DNMBP: variants seen among roughly 807,000 people sequenced by gnomAD.
DNMBP encodes the protein dynamin binding protein.
Under a neutral mutation model 150.0 loss-of-function variants are expected in DNMBP, and 87 were observed. The ratio of observed to expected loss-of-function variants is 0.58; its 90% CI spans 0.49 to 0.69. The LOEUF is 0.69. Ranked by LOEUF, DNMBP falls within the 30% of genes least tolerant of loss-of-function variation. DNMBP has a pLI of 0.00. For missense variants in DNMBP, 1,774 were observed against 1,949.0 expected (o/e 0.91, Z 1.69); for synonymous variants, 711 against 750.4 (o/e 0.95, Z 0.86).
chr10:100,006,425 C>T (rs1439075042), intron 1 of DNMBP, among the ~76,000 whole-genome samples: 2 of 152,138 alleles, frequency 1.3e-5, no homozygotes, highest in South Asian at 2.1e-4. Context: ...GATGAGGAAA[C>T]GAAGACTCAG....
chr10:99,883,903 T>C lies in DNMBP; in HGVS notation c.3997+108A>G, dbSNP rs562239987. On this transcript the variant is annotated intron_variant, in intron 15 of 16. Transcript: ENST00000324109. Reference sequence around the variant, plus strand: ...TTTTTCAGGTTATTTTTCCCCTTAATCAAAGATACTTTTTGCTTTTTTTTC... The same window carrying C: ...TTTTTCAGGTTATTTTTCCCCTTAACCAAAGATACTTTTTGCTTTTTTTTC... 661 of 938,016 alleles carry C rather than the reference T, an allele frequency of 7.0e-4. 1 individual carries two copies. The highest frequency in any genetic ancestry group is 5.0e-3 in the African/African-American group (293 of 58,734). 58.1% of individuals were successfully genotyped at this position (938,016 alleles called of 1,614,324 possible).
chr10:99,930,952 C>G (rs1485636224), intron 4 of DNMBP: 2 of 488,100 alleles, frequency 4.1e-6, no homozygotes, highest in African/African-American at 2.0e-5. Context: ...CCTCAGGATC[C>G]AATCAGCGAG....
intron 1 of DNMBP, among the ~76,000 whole-genome samples, chr10:100,003,804 C>A (rs1260399844): frequency 2.7e-5 from 4 of 147,640 alleles, no homozygotes; most frequent in African/African-American, 1.0e-4. Flanking sequence ...AGAGGGAGAC[C>A]CTGTCTTAAA....
intron 4 of DNMBP, among the ~76,000 whole-genome samples, chr10:99,916,370 G>A (rs1419085566): frequency 1.3e-5 from 2 of 152,230 alleles, no homozygotes; most frequent in East Asian, 3.9e-4. Flanking sequence ...GGCTGAGGCA[G>A]GAGAATCGCT....
intron 4 of DNMBP, among the ~76,000 whole-genome samples, chr10:99,918,951 T>C (rs2039994756): frequency 6.6e-6 from 1 of 152,246 alleles, no homozygotes; most frequent in African/African-American, 2.4e-5. Context: ...ACAGCAAAGA[T>C]AATTTTTGTA....
At chr10:99,987,580 A>G (rs1037420940) in intron 1 of DNMBP, among the ~76,000 whole-genome samples, 3 of 152,058 alleles carry the variant, frequency 2.0e-5, no homozygotes, top group African/African-American at 7.2e-5. Context: ...CTAAAAATAT[A>G]AAAATTAGCT....
chr10:99,978,102 G>A (rs1471926282), intron 1 of DNMBP, among the ~76,000 whole-genome samples: 1 of 152,200 alleles, frequency 6.6e-6, no homozygotes, highest in East Asian at 1.9e-4. Context: ...TAGACAGCAA[G>A]TCTCCAAAGC....
chr10:99,914,628 C>A (rs927855999), intron 4 of DNMBP, among the ~76,000 whole-genome samples: 2 of 152,090 alleles, frequency 1.3e-5, no homozygotes, highest in Non-Finnish European at 1.5e-5. Context: ...CTGGGAGTCC[C>A]GCTCACATCT....
intron 4 of DNMBP, among the ~76,000 whole-genome samples, chr10:99,926,131 G>C (rs2040075564): frequency 6.6e-6 from 1 of 151,998 alleles, no homozygotes; most frequent in Non-Finnish European, 1.5e-5. Flanking sequence ...GAAACACCAG[G>C]TCCCCTTCTC....
intron 4 of DNMBP, among the ~76,000 whole-genome samples, chr10:99,913,313 A>G (rs1371226393): frequency 2.0e-5 from 3 of 152,156 alleles, no homozygotes; most frequent in Non-Finnish European, 4.4e-5. Flanking sequence ...AATGAGGATA[A>G]TAATACTTGC....
At position 99,890,472 on chromosome 10, in the gene DNMBP, C is replaced by T. The variant is rs2039539324; in HGVS notation, c.3157-1519G>A. ...ACATATATCCCAACCCAAAATGTAT[C>T]AGTCACTGCTATGGAGGTGAGCCTT... is the stretch of plus-strand genomic sequence containing the variant. On this transcript the variant is annotated intron_variant, in intron 11 of 16. Coordinates refer to ENST00000324109, the MANE Select transcript of DNMBP (RefSeq NM_015221.4). Among the ~76,000 whole-genome samples, 7 of 152,160 alleles carry T rather than the reference C, an allele frequency of 4.6e-5. No homozygotes were observed. In the South Asian group the frequency reaches 1.4e-3, roughly 31 times the overall value.
At chr10:99,904,171 C>T (rs899293497) in intron 6 of DNMBP, among the ~76,000 whole-genome samples, 1 of 152,036 alleles carries the variant, frequency 6.6e-6, no homozygotes, top group Non-Finnish European at 1.5e-5. Context: ...GGGAGGATCG[C>T]TTGAGCCCAG....
At chr10:99,914,093 A>C in intron 4 of DNMBP, 1 of 1,391,584 alleles carries the variant, frequency 7.2e-7, no homozygotes, top group Non-Finnish European at 9.4e-7. Context: ...CAGGCTTCCC[A>C]CATTTACATA....
At chr10:99,988,109 T>G (rs1000803066) in intron 1 of DNMBP, among the ~76,000 whole-genome samples, 2 of 152,228 alleles carry the variant, frequency 1.3e-5, no homozygotes, top group African/African-American at 4.8e-5. Context: ...GTTGTTGAAT[T>G]TTATCAAATG....
At chr10:99,948,049 G>A (rs1218440386) in intron 4 of DNMBP, among the ~76,000 whole-genome samples, 1 of 152,118 alleles carries the variant, frequency 6.6e-6, no homozygotes, top group African/African-American at 2.4e-5. Flanking sequence ...CACGGGATAT[G>A]GGAAATCTCT....
intron 4 of DNMBP, chr10:99,929,508 C>A (rs1227367952): frequency 1.7e-6 from 1 of 598,552 alleles, no homozygotes; most frequent in Admixed American, 3.1e-5. Context: ...AAGTTCAGGG[C>A]CCGGGCTCCT....
chr10:99,917,083 C>T (rs943247942), intron 4 of DNMBP, among the ~76,000 whole-genome samples: 7 of 152,164 alleles, frequency 4.6e-5, no homozygotes, highest in Non-Finnish European at 1.0e-4. Context: ...TAAGGCCAGG[C>T]GCAGTGGCTC....
At chr10:99,999,885 T>G (rs908122532) in intron 1 of DNMBP, among the ~76,000 whole-genome samples, 3 of 151,742 alleles carry the variant, frequency 2.0e-5, no homozygotes, top group African/African-American at 7.3e-5. Flanking sequence ...CTGGGAGAGG[T>G]GGTAGGCACT....
At chr10:99,951,307 G>A (rs2040420082) in intron 4 of DNMBP, among the ~76,000 whole-genome samples, 1 of 152,204 alleles carries the variant, frequency 6.6e-6, no homozygotes, top group Non-Finnish European at 1.5e-5. Context: ...AACCTCTGCT[G>A]GGGCAGTGCA....
Sources: gnomAD v4.1 joint callset for allele counts (sites outside exome capture counted in the v4.1 genomes callset) on GRCh38, gnomAD v4.1.1 for gene constraint, MANE v1.5 for transcripts, NCBI Gene and HGNC (gene_info 2026-07-23, HGNC 2026-07-21) for gene names.